The following ACACB variants were observed in gnomAD, a reference collection of about 807,000 sequenced individuals.
ACACB encodes acetyl-CoA carboxylase beta, also known as acetyl-CoA carboxylase 2.
In ACACB, 209 loss-of-function variants were observed where a neutral mutation model predicts 278.8. The observed-to-expected ratio is 0.75, with a 90% CI of 0.67 to 0.84. ACACB has a LOEUF of 0.84. ACACB is among the 40% of genes least tolerant of loss of function. ACACB has a pLI of 0.00. For synonymous variants in ACACB, 1,174 were observed against 1,285.6 expected (o/e 0.91, Z 1.86); for missense variants, 2,850 against 3,269.0 (o/e 0.87, Z 3.13).
At chr12:109,227,722 G>A (rs902323380) in intron 28 of ACACB, among the ~76,000 whole-genome samples, 6 of 152,214 alleles carry the variant, frequency 3.9e-5, no homozygotes, top group African/African-American at 1.2e-4. Context: ...AGCCATGTGT[G>A]CCTATTTACA....
chr12:109,133,865 T>TATATA (rs56119414), intron 1 of ACACB, among the ~76,000 whole-genome samples: 647 of 23,004 alleles, frequency 0.028, no homozygotes, highest in Middle Eastern at 0.038. Flanking sequence ...ATATATATAT[T>TATATA]TTTTTTTTTT....
At chr12:109,248,084 A>G (rs961297211) in intron 40 of ACACB, among the ~76,000 whole-genome samples, 4 of 152,168 alleles carry the variant, frequency 2.6e-5, no homozygotes, top group Admixed American at 1.3e-4. Flanking sequence ...AAAGGCTACT[A>G]TCTTTTCCAG....
chr12:109,223,966 A>G (rs980460151), intron 27 of ACACB, 62 bp downstream of exon 27: 4 of 1,388,984 alleles, frequency 2.9e-6, no homozygotes, highest in Non-Finnish European at 4.1e-6. Flanking sequence ...CACTGCCGCT[A>G]CCATGCACCT....
Position 109,167,991 on chromosome 12 carries a change from G to T in ACACB, c.882G>T (p.Arg294=), listed in dbSNP as rs748125910. Residue 294 remains arginine (R), a synonymous_variant, in exon 4 of 53, where the codon CGG becomes CGT. Coordinates refer to ENST00000338432, the MANE Select transcript of ACACB (RefSeq NM_001093.4). ...TGTTCCGCAACGAGCGGGCCATCCG[G>T]TTTGTTGTGATGGTGACCCCCGAGG... ...YEMFRNERAI[R]FVVMVTPEDL... The T allele has an allele frequency of 6.2e-7, 1 of 1,613,786 alleles. No individual in the cohort carries two copies. Among genetic ancestry groups the T allele is most frequent in the South Asian group, 1.1e-5 (1 of 91,068 alleles).
intron 27 of ACACB, among the ~76,000 whole-genome samples, chr12:109,225,247 C>G (rs1162632556): frequency 6.6e-6 from 1 of 152,168 alleles, no homozygotes; most frequent in East Asian, 1.9e-4. Context: ...CCTGCCTCAC[C>G]CTCCCCAGTA....
At chr12:109,130,285 C>T (rs1435244955) in intron 1 of ACACB, among the ~76,000 whole-genome samples, 1 of 152,162 alleles carries the variant, frequency 6.6e-6, no homozygotes, top group Non-Finnish European at 1.5e-5. Flanking sequence ...CATCCTTATC[C>T]CCATTTTGCA....
intron 9 of ACACB, 89 bp from the exon 10 acceptor site, chr12:109,178,999 G>A (rs550661188): frequency 4.6e-5 from 57 of 1,252,240 alleles, no homozygotes; most frequent in African/African-American, 3.4e-4. Flanking sequence ...ACATCACTGC[G>A]TTTGTTTTAT....
At chr12:109,174,052 C>G (rs1023154635) in intron 6 of ACACB, 80 bp from the exon 7 acceptor site, 12 of 1,229,648 alleles carry the variant, frequency 9.8e-6, no homozygotes, top group Admixed American at 2.1e-5. Flanking sequence ...GCCCCACCAC[C>G]GTGCACTCGG....
At chr12:109,137,319 A>C (rs1276848579) in intron 1 of ACACB, among the ~76,000 whole-genome samples, 1 of 152,206 alleles carries the variant, frequency 6.6e-6, no homozygotes, top group Non-Finnish European at 1.5e-5. Flanking sequence ...GGAAATATTG[A>C]GAACTTTTCC....
intron 13 of ACACB, among the ~76,000 whole-genome samples, chr12:109,188,531 T>G (rs1203678155): frequency 1.3e-5 from 2 of 150,876 alleles, no homozygotes; most frequent in Admixed American, 6.6e-5. Context: ...TTTCCTTCCT[T>G]CCTTCTTTCC....
intron 37 of ACACB, among the ~76,000 whole-genome samples, chr12:109,244,519 G>A (rs1216305706): frequency 6.6e-6 from 1 of 152,202 alleles, no homozygotes; most frequent in Non-Finnish European, 1.5e-5. Context: ...GACCTCAAGA[G>A]CTATAAGGGA....
At chr12:109,137,441 C>G (rs990247584) in intron 1 of ACACB, among the ~76,000 whole-genome samples, 3 of 152,106 alleles carry the variant, frequency 2.0e-5, no homozygotes, top group African/African-American at 7.2e-5. Context: ...GGGCGGATCA[C>G]TTGAGGTCAG....
intron 2 of ACACB, among the ~76,000 whole-genome samples, chr12:109,141,768 G>C (rs1164632468): frequency 6.6e-6 from 1 of 152,224 alleles, no homozygotes; most frequent in Non-Finnish European, 1.5e-5. Flanking sequence ...CAGGGGAAGA[G>C]TGTTTGAGTT....
rs528970315 is a variant in ACACB at position 109,153,768 on chromosome 12, TTCTC to T, written c.654-13088_654-13085del. Among the ~76,000 whole-genome samples the T allele has an allele frequency of 1.0e-3, 159 of 152,344 alleles. 1 individual carries two copies. Among genetic ancestry groups the T allele is most frequent in the African/African-American group, 3.7e-3 (154 of 41,580 alleles). Reference sequence around the variant, plus strand: ...ACCTCCGCCTCTCGGGTTTTAGTGATTCTCTCTCCTCAGTCTCTCGAGTAGCTGG... The same window carrying T: ...ACCTCCGCCTCTCGGGTTTTAGTGATTCTCCTCAGTCTCTCGAGTAGCTGG... On this transcript the variant is annotated intron_variant, in intron 2 of 52. Transcript: ENST00000338432.
At chr12:109,216,555 A>T in intron 22 of ACACB, 63 bp from the exon 23 acceptor site, 3 of 1,499,244 alleles carry the variant, frequency 2.0e-6, no homozygotes, top group South Asian at 1.1e-5. Flanking sequence ...AAAAAAAAAT[A>T]CTAAATATTC....
chr12:109,246,089 C>A, intron 38 of ACACB, 90 bp from the exon 39 acceptor site: 1 of 1,405,718 alleles, frequency 7.1e-7, no homozygotes, highest in Non-Finnish European at 9.5e-7. Flanking sequence ...GACCCTGTAT[C>A]TAAAAAAAAT....
chr12:109,188,045 G>A lies in ACACB; in HGVS notation c.2027G>A (p.Ser676Asn). The stretch of plus-strand genomic sequence containing the variant: ...ACTGTCCAGGAACTGAATTTCCGGA[G>A]CAGCAAGAACGTGTGGGGTTACTTC... ...SGTVQELNFR[S>N]SKNVWGYFSV... The change falls in exon 13 of 53, where the codon AGC becomes AAC. Residue 676 changes from serine to asparagine, a missense_variant. Around this residue, in one of 3 missense-constraint regions of ACACB, gnomAD observed 2,265 missense variants for 2,561.3 expected, o/e 0.88. Transcript: ENST00000338432. The A allele has an allele frequency of 6.2e-7, 1 of 1,613,250 alleles. No homozygotes were observed.
rs2046922312 is a variant in ACACB at position 109,245,716 on chromosome 12, G to T, written c.5269G>T (p.Val1757Leu). Reference protein sequence around the residue: ...ELVLDSQGQLVEMNRLPGGNE... With the variant: ...ELVLDSQGQLLEMNRLPGGNE... Reference sequence around the variant, plus strand: ...AGTGTTGGACTCTCAGGGCCAGCTGGTGGAGATGAACCGACTTCCTGGTGG... The same window carrying T: ...AGTGTTGGACTCTCAGGGCCAGCTGTTGGAGATGAACCGACTTCCTGGTGG... Residue 1757 changes from valine to leucine, a missense_variant, in exon 38 of 53, where the codon GTG becomes TTG. Physicochemically the swap from Val to Leu is conservative, Grantham distance 32. Transcript: ENST00000338432. The T allele has an allele frequency of 3.1e-6, 5 of 1,614,146 alleles. No individual in the cohort carries two copies. The East Asian group carries it at 8.9e-5, about 29-fold the overall frequency.
At chr12:109,191,824 T>A (rs757748758) in intron 14 of ACACB, 23 bp from the exon 15 acceptor site, 1 of 1,614,180 alleles carries the variant, frequency 6.2e-7, no homozygotes, top group Non-Finnish European at 8.5e-7. Flanking sequence ...TTCCTGAGGA[T>A]ACTGAAGTGC....
Sources: allele counts gnomAD v4.1 joint callset (sites outside exome capture counted in the v4.1 genomes callset), GRCh38; gene constraint gnomAD v4.1.1; regional missense constraint gnomAD v4.1.1; transcripts MANE v1.5; gene names NCBI Gene and HGNC (gene_info 2026-07-23, HGNC 2026-07-21).